Variants in SH3GL3 observed in about 807,000 individuals in gnomAD.
SH3GL3 encodes the protein endophilin-A3.
A neutral mutation model predicts 47.7 loss-of-function variants in SH3GL3; 33 were observed. The ratio of observed to expected loss-of-function variants is 0.69; its 90% CI spans 0.52 to 0.92. The LOEUF (loss-of-function observed/expected upper bound fraction) is 0.92. Among genes scored for constraint, SH3GL3 ranks in the 40% least tolerant of loss-of-function variants. The probability of loss-of-function intolerance (pLI) is 0.00; values close to 1 mark genes in which losing one functional copy is unlikely to be tolerated. For missense variants in SH3GL3, 363 were observed against 417.8 expected (o/e 0.87, Z 1.14); for synonymous variants, 155 against 148.8 (o/e 1.04, Z -0.30).
At chr15:83,473,905 A>G (rs1273735210) in intron 1 of SH3GL3, among the ~76,000 whole-genome samples, 1 of 148,632 alleles carries the variant, frequency 6.7e-6, no homozygotes, top group Admixed American at 6.7e-5. Context: ...TGGCTTCTTC[A>G]GCTCCAAATC....
At chr15:83,450,883 C>T (rs1175449480) in intron 1 of SH3GL3, among the ~76,000 whole-genome samples, 1 of 123,518 alleles carries the variant, frequency 8.1e-6, no homozygotes, top group East Asian at 2.4e-4. Context: ...TATACATGTG[C>T]CATGCTGGTG....
At chr15:83,528,575 T>C (rs1016434199) in intron 1 of SH3GL3, among the ~76,000 whole-genome samples, 1 of 152,192 alleles carries the variant, frequency 6.6e-6, no homozygotes, top group Non-Finnish European at 1.5e-5. Context: ...GTATGCTTAA[T>C]CTAGTCTATT....
the SH3GL3 span, among the ~76,000 whole-genome samples, chr15:83,627,894 T>C: frequency 1.3e-5 from 2 of 152,182 alleles, no homozygotes; most frequent in Non-Finnish European, 2.9e-5. Context: ...TGACAGCCAA[T>C]ATATGATCTG....
In SH3GL3 at chr15:83,576,721, T is replaced by C; in HGVS notation, c.604T>C (p.Phe202Leu). ...ESKELAERSM[F>L]NFLENDVEQV... is the part of the protein sequence containing the mutation. ...AAAGGAGTTGGCTGAAAGAAGCATG[T>C]TTAACTTTTTAGAAAATGATGTAAG... Residue 202 changes from phenylalanine to leucine, a missense_variant, in exon 6 of 9, where the codon TTT (phenylalanine) becomes CTT (leucine). Coordinates refer to ENST00000427482, the MANE Select transcript of SH3GL3 (RefSeq NM_003027.5). 2 of 1,603,880 alleles carry C rather than the reference T, an allele frequency of 1.2e-6. No individual in the cohort carries two copies. Among genetic ancestry groups the C allele is most frequent in the Non-Finnish European group, 1.7e-6 (2 of 1,176,332 alleles).
At chr15:83,609,013 C>T (rs1184299859) in intron 8 of SH3GL3, among the ~76,000 whole-genome samples, 1 of 152,130 alleles carries the variant, frequency 6.6e-6, no homozygotes, top group Non-Finnish European at 1.5e-5. Context: ...CCACCCAGCC[C>T]AAAGGGGTGT....
intron 6 of SH3GL3, among the ~76,000 whole-genome samples, chr15:83,577,680 C>G (rs528846488): frequency 6.6e-6 from 1 of 152,290 alleles, no homozygotes; most frequent in East Asian, 1.9e-4. Context: ...GTGTGAGCCA[C>G]CACGCCAGCC....
intron 1 of SH3GL3, among the ~76,000 whole-genome samples, chr15:83,458,979 C>A (rs568447757): frequency 6.6e-6 from 1 of 152,216 alleles, no homozygotes; most frequent in East Asian, 1.9e-4. Context: ...GGAAGCCAGA[C>A]TGAGTCCCCA....
the SH3GL3 span, among the ~76,000 whole-genome samples, chr15:83,624,534 G>A: frequency 6.6e-6 from 1 of 152,222 alleles, no homozygotes; most frequent in Non-Finnish European, 1.5e-5. Flanking sequence ...GCAGAAGCAG[G>A]ACCATTAAAG....
chr15:83,588,599 G>A (rs7182482), intron 7 of SH3GL3, 63 bp from the exon 8 acceptor site: 357,448 of 993,604 alleles, frequency 0.36, 70,497 homozygotes, highest in Non-Finnish European at 0.41. Flanking sequence ...AAGGCAGAGA[G>A]GATGTGTGTT....
intron 1 of SH3GL3, among the ~76,000 whole-genome samples, chr15:83,495,014 A>C (rs965107736): frequency 6.6e-6 from 1 of 152,110 alleles, no homozygotes; most frequent in African/African-American, 2.4e-5. Flanking sequence ...TGCTGGGCAC[A>C]GGAAGGACAG....
intron 1 of SH3GL3, among the ~76,000 whole-genome samples, chr15:83,459,475 G>A (rs888360161): frequency 2.2e-4 from 33 of 152,288 alleles, no homozygotes; most frequent in African/African-American, 7.9e-4. Flanking sequence ...AATTGGGTTG[G>A]CTGGGATTCC....
chr15:83,606,524 AG>A (rs2060520614), intron 8 of SH3GL3, among the ~76,000 whole-genome samples: 1 of 152,244 alleles, frequency 6.6e-6, no homozygotes, highest in South Asian at 2.1e-4. Flanking sequence ...TTCGGTCAGC[AG>A]GTTGTTTCTT....
intron 1 of SH3GL3, among the ~76,000 whole-genome samples, chr15:83,507,106 T>C (rs1208264174): frequency 6.6e-6 from 1 of 151,530 alleles, no homozygotes; most frequent in Non-Finnish European, 1.5e-5. Context: ...CCCGGGTTCA[T>C]GCCATTCTCC....
chr15:83,509,312 C>T (rs547706925), intron 1 of SH3GL3, among the ~76,000 whole-genome samples: 19 of 152,338 alleles, frequency 1.2e-4, no homozygotes, highest in Admixed American at 1.1e-3. Flanking sequence ...GATGTCCCAC[C>T]AACTTTGGAG....
chr15:83,517,205 C>CTTTTTT (rs36096315), intron 1 of SH3GL3, among the ~76,000 whole-genome samples: 13 of 109,676 alleles, frequency 1.2e-4, no homozygotes, highest in African/African-American at 1.7e-4. Flanking sequence ...CTTTTCTTTT[C>CTTTTTT]TTTTTTTTTT....
At chr15:83,627,226 T>C in the SH3GL3 span, among the ~76,000 whole-genome samples, 1 of 151,890 alleles carries the variant, frequency 6.6e-6, no homozygotes, top group Non-Finnish European at 1.5e-5. Context: ...TGAAACCCCA[T>C]CTCTACTAAA....
intron 1 of SH3GL3, among the ~76,000 whole-genome samples, chr15:83,534,135 T>C (rs2043803390): frequency 6.6e-6 from 1 of 152,158 alleles, no homozygotes; most frequent in African/African-American, 2.4e-5. Flanking sequence ...GAGGTCTTGC[T>C]CCCGTGAATG....
chr15:83,502,058 G>A (rs376534898), intron 1 of SH3GL3, among the ~76,000 whole-genome samples: 3 of 152,316 alleles, frequency 2.0e-5, no homozygotes, highest in East Asian at 1.9e-4. Flanking sequence ...TTCACTCTAG[G>A]AATAATATAA....
chr15:83,511,148 A>T (rs1051863097), intron 1 of SH3GL3, among the ~76,000 whole-genome samples: 1 of 101,474 alleles, frequency 9.9e-6, no homozygotes, highest in Non-Finnish European at 2.4e-5. Context: ...TAATAATAAT[A>T]AAAAAAAGAA....
Sources: allele counts gnomAD v4.1 joint callset (sites outside exome capture counted in the v4.1 genomes callset), GRCh38; gene constraint gnomAD v4.1.1; transcripts MANE v1.5; gene names NCBI Gene and HGNC (gene_info 2026-07-23, HGNC 2026-07-21).